PCDH15: variants seen among roughly 807,000 people sequenced by gnomAD.
PCDH15 encodes the protein protocadherin-15.
In PCDH15, 129 loss-of-function variants were observed where a neutral mutation model predicts 178.5. The ratio of observed to expected loss-of-function variants is 0.72; its 90% CI spans 0.63 to 0.84. The LOEUF (loss-of-function observed/expected upper bound fraction) is 0.84, where lower values mean the gene tolerates loss of function less well. Ranked by LOEUF, PCDH15 falls within the 40% of genes least tolerant of loss-of-function variation. The pLI, the probability that PCDH15 is intolerant of heterozygous loss-of-function variation, is 0.00. For missense variants in PCDH15, 2,230 were observed against 2,099.9 expected (o/e 1.06, Z -1.21); for synonymous variants, 800 against 732.0 (o/e 1.09, Z -1.50).
At chr10:54,201,704 C>T (rs535681303) in intron 10 of PCDH15, among the ~76,000 whole-genome samples, 3 of 151,844 alleles carry the variant, frequency 2.0e-5, no homozygotes, top group African/African-American at 4.8e-5. Flanking sequence ...GTGATTGTGA[C>T]ATCATTCTAA....
chr10:54,089,622 C>T (rs976738921), intron 16 of PCDH15, among the ~76,000 whole-genome samples: 1 of 152,166 alleles, frequency 6.6e-6, no homozygotes, highest in Admixed American at 6.5e-5. Flanking sequence ...GTTTGTAACA[C>T]ATCTTGCCTA....
chr10:55,011,802 G>C (rs1840053203), intron 2 of PCDH15, among the ~76,000 whole-genome samples: 1 of 151,788 alleles, frequency 6.6e-6, no homozygotes, highest in African/African-American at 2.4e-5. Context: ...TGAAAAAAGG[G>C]ATCAAGAAAA....
intron 26 of PCDH15, among the ~76,000 whole-genome samples, chr10:53,888,553 CG>C (rs1404081846): frequency 7.9e-6 from 1 of 126,504 alleles, no homozygotes; most frequent in African/African-American, 2.8e-5. Context: ...GAACTTCAGT[CG>C]CTTCACAATT....
chr10:54,555,736 C>CAAAAAAAAAAAAAAAAAAAAAA (rs869032040), intron 2 of PCDH15, among the ~76,000 whole-genome samples: 4 of 73,396 alleles, frequency 5.4e-5, no homozygotes, highest in Admixed American at 1.5e-4. Context: ...GACTCTGTCT[C>CAAAAAAAAAAAAAAAAAAAAAA]AAAAAAAAAA....
chr10:54,572,458 C>CT (rs2089966336), intron 2 of PCDH15, among the ~76,000 whole-genome samples: 1 of 152,032 alleles, frequency 6.6e-6, no homozygotes, highest in South Asian at 2.1e-4. Flanking sequence ...CAATTTGATA[C>CT]TTTAAGAACT....
chr10:54,698,786 C>T (rs1320574838), intron 1 of PCDH15, among the ~76,000 whole-genome samples: 1 of 152,100 alleles, frequency 6.6e-6, no homozygotes, highest in Non-Finnish European at 1.5e-5. Context: ...CTAGTGCCTT[C>T]TATTATCATG....
At chr10:54,826,894 A>C (rs1477466246) in intron 3 of PCDH15, among the ~76,000 whole-genome samples, 1 of 152,104 alleles carries the variant, frequency 6.6e-6, no homozygotes, top group African/African-American at 2.4e-5. Flanking sequence ...ATACTTTTCT[A>C]GTGAACTTAT....
chr10:55,569,406 C>A (rs944647198), intron 2 of PCDH15, among the ~76,000 whole-genome samples: 8 of 151,930 alleles, frequency 5.3e-5, no homozygotes, highest in Admixed American at 1.3e-4. Flanking sequence ...TTATGCTCAT[C>A]CATACTCTGT....
At chr10:55,457,453 G>A (rs922943409) in intron 2 of PCDH15, among the ~76,000 whole-genome samples, 7 of 151,992 alleles carry the variant, frequency 4.6e-5, no homozygotes, top group Non-Finnish European at 8.8e-5. Context: ...TTTTCTTGAT[G>A]CAAACATGCA....
At chr10:54,443,269 A>T (rs1433801072) in intron 3 of PCDH15, among the ~76,000 whole-genome samples, 2 of 151,578 alleles carry the variant, frequency 1.3e-5, no homozygotes, top group Admixed American at 6.6e-5. Context: ...CATGAAATAC[A>T]TAGATTGGGA....
At chr10:54,511,589 A>T (rs1020379393) in intron 3 of PCDH15, among the ~76,000 whole-genome samples, 13 of 152,176 alleles carry the variant, frequency 8.5e-5, no homozygotes, top group African/African-American at 2.9e-4. Flanking sequence ...TTTATGTGAT[A>T]TATCATACGG....
chr10:55,540,818 T>C (rs1172375728), intron 2 of PCDH15, among the ~76,000 whole-genome samples: 1 of 152,064 alleles, frequency 6.6e-6, no homozygotes, highest in Non-Finnish European at 1.5e-5. Context: ...TAATAAGTAA[T>C]GGAGAAGTCA....
intron 2 of PCDH15, among the ~76,000 whole-genome samples, chr10:54,624,192 GAAAT>G (rs931749919): frequency 1.1e-3 from 165 of 152,092 alleles, no homozygotes; most frequent in African/African-American, 3.6e-3. Context: ...ATAGGGTAAA[GAAAT>G]AAATAAATAA....
intron 2 of PCDH15, among the ~76,000 whole-genome samples, chr10:54,589,044 A>G (rs1342035432): frequency 1.3e-5 from 2 of 152,162 alleles, no homozygotes; most frequent in South Asian, 2.1e-4. Context: ...TACTCAGTAC[A>G]TATTTTTGCT....
intron 1 of PCDH15, among the ~76,000 whole-genome samples, chr10:54,747,857 G>C (rs1019705124): frequency 3.5e-5 from 5 of 143,846 alleles, no homozygotes; most frequent in Non-Finnish European, 6.0e-5. Context: ...CCAAGCTGGA[G>C]TGCAGTGGCG....
At chr10:55,582,337 C>T (rs1380648187) in intron 2 of PCDH15, among the ~76,000 whole-genome samples, 2 of 152,014 alleles carry the variant, frequency 1.3e-5, no homozygotes, top group African/African-American at 2.4e-5. Context: ...ATTTATCCTC[C>T]TGAGCATTCC....
intron 13 of PCDH15, among the ~76,000 whole-genome samples, chr10:54,161,626 C>T (rs2045724911): frequency 7.9e-6 from 1 of 126,584 alleles, no homozygotes; most frequent in Non-Finnish European, 1.6e-5. Flanking sequence ...AAGCTTGAAA[C>T]TTACATTTGT....
At chr10:54,124,157 T>G (rs2041797422) in intron 15 of PCDH15, among the ~76,000 whole-genome samples, 1 of 151,574 alleles carries the variant, frequency 6.6e-6, no homozygotes, top group South Asian at 2.1e-4. Context: ...TGAATCTAAA[T>G]AAAAACGGAA....
Position 55,396,430 on chromosome 10 carries a change from C to T in PCDH15, c.-155-229779G>A, listed in dbSNP as rs182795869. ...GTTAGATTTTTATCAAAGTTCAAAA[C>T]TTTATAGTGATAGTTTGTCCTTAAA... On this transcript the variant is annotated intron_variant, in intron 2 of 5. Transcript: ENST00000613346. Among the ~76,000 whole-genome samples, 569 of 152,248 alleles carry T rather than the reference C, an allele frequency of 3.7e-3. 4 individuals carry two copies. Among genetic ancestry groups the T allele is most frequent in the African/African-American group, 0.011 (473 of 41,540 alleles).
Sources: allele counts gnomAD v4.1 joint callset (sites outside exome capture counted in the v4.1 genomes callset), GRCh38; gene constraint gnomAD v4.1.1; transcripts MANE v1.5; gene names NCBI Gene and HGNC (gene_info 2026-07-23, HGNC 2026-07-21).